Variants in SDK1 observed in about 807,000 individuals in gnomAD.
SDK1 encodes the protein protein sidekick-1.
A neutral mutation model predicts 245.5 loss-of-function variants in SDK1; 157 were observed. The observed-to-expected ratio is 0.64, with a 90% CI of 0.56 to 0.73. The LOEUF (loss-of-function observed/expected upper bound fraction) is 0.73, where lower values mean the gene tolerates loss of function less well. Among genes scored for constraint, SDK1 ranks in the 30% least tolerant of loss-of-function variants. The pLI is 0.00. For synonymous variants in SDK1, 1,647 were observed against 1,278.5 expected, an observed-to-expected ratio of 1.29 and a Z score of -6.15; for missense variants, 3,583 against 3,002.3, an observed-to-expected ratio of 1.19 and a Z score of -4.52.
chr7:4,104,411 A>G (rs1386411767), intron 22 of SDK1, among the ~76,000 whole-genome samples: 2 of 152,198 alleles, frequency 1.3e-5, no homozygotes, highest in East Asian at 1.9e-4. Context: ...AAAGAAGGTA[A>G]TTGTGTTTGA....
chr7:4,186,366 G>T (rs1782895516), intron 35 of SDK1, among the ~76,000 whole-genome samples: 1 of 152,122 alleles, frequency 6.6e-6, no homozygotes, highest in South Asian at 2.1e-4. Flanking sequence ...CCGGCTGCTG[G>T]GACCCCTCGT....
At position 3,667,689 on chromosome 7, in the gene SDK1, G is replaced by T. The variant is rs1048969682; in HGVS notation, c.713+25584G>T. On this transcript the variant is annotated intron_variant, in intron 4 of 44. Transcript: ENST00000404826. ...ATTTTCTAAAATATCTTATGAATGGGATCCTAAAGTATTTAGCCTTTGAAT... is the reference window on the plus strand; with the variant it reads ...ATTTTCTAAAATATCTTATGAATGGTATCCTAAAGTATTTAGCCTTTGAAT... Among the ~76,000 whole-genome samples, 19 of 152,158 alleles carry T rather than the reference G, an allele frequency of 1.2e-4. 1 individual carries two copies. Among genetic ancestry groups the T allele is most frequent in the Non-Finnish European group, 2.9e-5 (2 of 68,036 alleles).
At chr7:3,548,332 A>T (rs539537451) in intron 1 of SDK1, among the ~76,000 whole-genome samples, 2 of 152,196 alleles carry the variant, frequency 1.3e-5, no homozygotes, top group African/African-American at 4.8e-5. Context: ...TTCTAGATGA[A>T]TTATTGTTCT....
intron 1 of SDK1, among the ~76,000 whole-genome samples, chr7:3,538,549 A>G (rs1344311121): frequency 1.3e-5 from 2 of 152,196 alleles, no homozygotes; most frequent in Non-Finnish European, 2.9e-5. Context: ...ATTTATGCTT[A>G]AGGTAAATCT....
At chr7:3,779,971 C>T (rs974504852) in intron 4 of SDK1, among the ~76,000 whole-genome samples, 4 of 150,432 alleles carry the variant, frequency 2.7e-5, no homozygotes, top group African/African-American at 4.9e-5. Context: ...AGATGATGAG[C>T]ATGATGTCAG....
intron 1 of SDK1, among the ~76,000 whole-genome samples, chr7:3,564,811 A>G (rs1210127109): frequency 6.6e-6 from 1 of 152,168 alleles, no homozygotes; most frequent in Non-Finnish European, 1.5e-5. Context: ...ACTAATCCAG[A>G]AAACAGTGAA....
intron 1 of SDK1, among the ~76,000 whole-genome samples, chr7:3,355,227 A>G (rs1780759183): frequency 6.6e-6 from 1 of 152,258 alleles, no homozygotes; most frequent in Non-Finnish European, 1.5e-5. Context: ...TTCTTAAAAT[A>G]TAAATGCGTC....
chr7:3,403,505 A>G (rs997095928), intron 1 of SDK1, among the ~76,000 whole-genome samples: 12 of 151,984 alleles, frequency 7.9e-5, no homozygotes, highest in African/African-American at 2.9e-4. Flanking sequence ...TTTTGTTCTA[A>G]CCGAAAGAGG....
intron 1 of SDK1, among the ~76,000 whole-genome samples, chr7:3,402,126 T>C (rs1159335147): frequency 2.0e-5 from 3 of 152,080 alleles, no homozygotes; most frequent in African/African-American, 7.2e-5. Flanking sequence ...TCACAGAAAA[T>C]AATATGCGGA....
At chr7:4,017,831 C>T (rs1202637556) in intron 17 of SDK1, among the ~76,000 whole-genome samples, 4 of 152,168 alleles carry the variant, frequency 2.6e-5, no homozygotes, top group Non-Finnish European at 4.4e-5. Flanking sequence ...GTTATACAAG[C>T]AAACAATCTA....
chr7:3,593,496 A>T (rs917154670), intron 1 of SDK1, among the ~76,000 whole-genome samples: 2 of 152,168 alleles, frequency 1.3e-5, no homozygotes, highest in Admixed American at 6.5e-5. Context: ...TTGGAACATC[A>T]TTCCTTTGAA....
Position 4,265,200 on chromosome 7 carries a change from ACAACT to A in SDK1, c.6461_6465del (p.Asn2154MetfsTer99). 1 of 1,611,778 alleles carries A rather than the reference ACAACT, an allele frequency of 6.2e-7. No homozygotes were observed. The highest frequency in any genetic ancestry group is 8.5e-7 in the Non-Finnish European group (1 of 1,179,592). On this transcript the variant is annotated frameshift_variant, in exon 45 of 45. Transcript: ENST00000404826. LOFTEE classifies it high-confidence loss of function. ...CACTACATGAGCGACCCCACCTACT[ACAACT>A]CATGGAAGCGCAGGGCCCAGGGCCG...
chr7:3,563,866 T>G (rs1290063687), intron 1 of SDK1, among the ~76,000 whole-genome samples: 1 of 152,040 alleles, frequency 6.6e-6, no homozygotes, highest in Non-Finnish European at 1.5e-5. Flanking sequence ...TATAATGCAA[T>G]AAAATAAGAA....
intron 1 of SDK1, among the ~76,000 whole-genome samples, chr7:3,613,805 TG>T (rs138550915): frequency 0.03 from 4,563 of 152,238 alleles, 202 homozygotes; most frequent in African/African-American, 0.098. Flanking sequence ...ATAAAAACTA[TG>T]CAGATCATGT....
intron 41 of SDK1, among the ~76,000 whole-genome samples, chr7:4,237,146 C>G (rs1237667932): frequency 6.6e-6 from 1 of 152,150 alleles, no homozygotes; most frequent in Non-Finnish European, 1.5e-5. Flanking sequence ...CCCACCTCAG[C>G]CTTCCACAGT....
Position 3,680,884 on chromosome 7 carries a change from C to T in SDK1, c.713+38779C>T, listed in dbSNP as rs147836841. 2.7e-4 allele frequency among the ~76,000 whole-genome samples: 41 copies of T among 152,172 alleles called. 2 individuals carry two copies. The East Asian group carries it at 7.9e-3, about 29-fold the overall frequency. ...TTTGAGATGGAGTCTCGCTCTGTTGCCAGGCTGGAGTTCAGTGATGCTATC... is the reference window on the plus strand; with the variant it reads ...TTTGAGATGGAGTCTCGCTCTGTTGTCAGGCTGGAGTTCAGTGATGCTATC... On this transcript the variant is annotated intron_variant, in intron 4 of 44. Coordinates refer to ENST00000404826, the MANE Select transcript of SDK1 (RefSeq NM_152744.4).
rs1394636617 is a variant in SDK1, at chr7:3,934,205, GC to G, written c.848-16716del. On this transcript the variant is annotated intron_variant, in intron 5 of 44. Coordinates refer to ENST00000404826, the MANE Select transcript of SDK1 (RefSeq NM_152744.4). Reference sequence around the variant, plus strand: ...GATCTTCCTTGTATTTTAAGGAGGGGCCATAATTGTGAATTTCAAGATACAC... The same window carrying G: ...GATCTTCCTTGTATTTTAAGGAGGGGCATAATTGTGAATTTCAAGATACAC... 2.0e-5 allele frequency among the ~76,000 whole-genome samples: 3 copies of G among 152,214 alleles called. No individual in the cohort carries two copies. The East Asian group carries it at 5.8e-4, about 29-fold the overall frequency.
chr7:4,113,649 C>G (rs949452286), intron 24 of SDK1, among the ~76,000 whole-genome samples: 4 of 152,210 alleles, frequency 2.6e-5, no homozygotes, highest in Non-Finnish European at 5.9e-5. Context: ...ATTACTCACT[C>G]TCTTCTTGGA....
intron 1 of SDK1, among the ~76,000 whole-genome samples, chr7:3,335,963 C>G (rs751534443): frequency 5.9e-5 from 9 of 152,114 alleles, no homozygotes; most frequent in Non-Finnish European, 1.3e-4. Context: ...GTCCTGGGGA[C>G]TTGAGAAATG....
Sources: gnomAD v4.1 joint callset for allele counts (sites outside exome capture counted in the v4.1 genomes callset) on GRCh38, gnomAD v4.1.1 for gene constraint, MANE v1.5 for transcripts, NCBI Gene and HGNC (gene_info 2026-07-23, HGNC 2026-07-21) for gene names.